The following SLC44A2 variants were observed in gnomAD, a reference collection of about 807,000 sequenced individuals.
SLC44A2 encodes choline transporter-like protein 2.
In SLC44A2, 57 loss-of-function variants were observed where a neutral mutation model predicts 90.8. That is an observed-to-expected ratio of 0.63 (90% CI 0.51 to 0.78). The LOEUF (loss-of-function observed/expected upper bound fraction) is 0.78. Among genes scored for constraint, SLC44A2 ranks in the 30% least tolerant of loss-of-function variants. The pLI, the probability that SLC44A2 is intolerant of heterozygous loss-of-function variation, is 0.00. For synonymous variants in SLC44A2, 355 were observed against 360.7 expected (o/e 0.98, Z 0.18); for missense variants, 794 against 919.7 (o/e 0.86, Z 1.77).
In SLC44A2 at chr19:10,636,344, T is replaced by TCCCGCCAATGCCC; in HGVS notation, c.1257_1269dup (p.Asn424ProfsTer16). The TCCCGCCAATGCCC allele has an allele frequency of 6.2e-7, 1 of 1,613,058 alleles. No individual in the cohort carries two copies. Among genetic ancestry groups the TCCCGCCAATGCCC allele is most frequent in the South Asian group, 1.1e-5 (1 of 91,004 alleles). ...ACAGACCTTCCCCTCCTCCAATGAG[T>TCCCGCCAATGCCC]CCCGCCAATGCCCCAATGCCCGTTG... is the stretch of plus-strand genomic sequence containing the variant. On this transcript the variant is annotated frameshift_variant, in exon 15 of 22. Transcript: ENST00000335757. LOFTEE classifies it high-confidence loss of function.
Position 10,625,786 on chromosome 19 carries a change from T to C in SLC44A2, c.37+116T>C, listed in dbSNP as rs1050710502. On this transcript the variant is annotated intron_variant, in intron 1 of 21. Transcript: ENST00000335757. ...TGGAGGGGGAGCGCAATTGCAAATCTGCGCCTGGAGCCTCCCCACCATCAG... is the reference window on the plus strand; with the variant it reads ...TGGAGGGGGAGCGCAATTGCAAATCCGCGCCTGGAGCCTCCCCACCATCAG... 7.6e-6 allele frequency: 7 copies of C among 925,346 alleles called. No homozygotes were observed. The African/African-American group carries it at 1.2e-4, about 16-fold the overall frequency. The allele number at this position is 925,346 out of a possible 1,614,324, so 57.3% of individuals were successfully genotyped here.
At chr19:10,637,062 G>C (rs1457439557) in intron 16 of SLC44A2, 1 of 317,508 alleles carries the variant, frequency 3.1e-6, no homozygotes, top group Non-Finnish European at 5.8e-6. Context: ...GCAGGAATAA[G>C]ACTGGTTTAT....
At chr19:10,632,536 CAAA>C (rs1175919247) in intron 10 of SLC44A2, among the ~76,000 whole-genome samples, 5 of 73,460 alleles carry the variant, frequency 6.8e-5, no homozygotes, top group Non-Finnish European at 1.4e-4. Context: ...AACTCCATCT[CAAA>C]AAAAAAAAAA....
At position 10,631,759 on chromosome 19, in the gene SLC44A2, T is replaced by G. The variant is rs767887337; in HGVS notation, c.626+10T>G. 15 of 1,613,916 alleles carry G rather than the reference T, an allele frequency of 9.3e-6. No homozygotes were observed. Among genetic ancestry groups the G allele is most frequent in the Non-Finnish European group, 1.2e-5 (14 of 1,180,036 alleles). On this transcript the variant is annotated intron_variant, in intron 8 of 21. Transcript: ENST00000335757. Reference sequence around the variant, plus strand: ...TGGTGGAGGGCGCCAAGTGAGGATATTGGCGCACCGCGCCAGGGTCTCACT... The same window carrying G: ...TGGTGGAGGGCGCCAAGTGAGGATAGTGGCGCACCGCGCCAGGGTCTCACT...
At position 10,610,887 on chromosome 19, in the gene SLC44A2, G is replaced by A. The variant is rs7249033; in HGVS notation, c.31+8326G>A. On this transcript the variant is annotated intron_variant, in intron 1 of 21. Transcript: ENST00000407327. ...ACTCCTGACCTCAAGTGATCCGCTC[G>A]CCTCGGCCTCCCAAAGTGCTGGGAT... 1.8e-3 allele frequency among the ~76,000 whole-genome samples: 272 copies of A among 150,740 alleles called. 2 individuals carry two copies. Among genetic ancestry groups the A allele is most frequent in the African/African-American group, 6.2e-3 (256 of 41,070 alleles).
chr19:10,624,577 GC>G, upstream of SLC44A2, among the ~76,000 whole-genome samples: 1 of 152,268 alleles, frequency 6.6e-6, no homozygotes, highest in East Asian at 1.9e-4. Context: ...ACAGGCATGA[GC>G]CACTGCACCT....
At chr19:10,613,292 C>T (rs1020041737) in intron 1 of SLC44A2, among the ~76,000 whole-genome samples, 11 of 151,796 alleles carry the variant, frequency 7.2e-5, no homozygotes, top group African/African-American at 2.4e-4. Flanking sequence ...CTCTGTCACC[C>T]AGGCTAGAGT....
chr19:10,637,178 C>T (rs764763904), intron 16 of SLC44A2: 2 of 213,330 alleles, frequency 9.4e-6, no homozygotes, highest in Non-Finnish European at 1.9e-5. Flanking sequence ...GGTGAAACCC[C>T]GTCTCTACTA....
intron 4 of SLC44A2, among the ~76,000 whole-genome samples, chr19:10,629,898 T>C (rs2360742): frequency 0.8 from 121,292 of 151,738 alleles, 48,585 homozygotes; most frequent in African/African-American, 0.84. Context: ...GGATTACAGG[T>C]GCCCGCCACC....
intron 20 of SLC44A2, chr19:10,640,948 G>A (rs1243305809): frequency 4.1e-6 from 1 of 246,636 alleles, no homozygotes; most frequent in Non-Finnish European, 8.2e-6. Context: ...TTAGTCAGGT[G>A]TGCTGGTACG....
At chr19:10,623,567 G>A (rs891803090), upstream of SLC44A2, among the ~76,000 whole-genome samples, 22 of 152,036 alleles carry the variant, frequency 1.4e-4, no homozygotes, top group African/African-American at 4.6e-4. Context: ...AGGTTGTGGC[G>A]TGGTGACTCG....
chr19:10,619,195 C>T (rs994088503), intron 1 of SLC44A2, among the ~76,000 whole-genome samples: 2 of 151,094 alleles, frequency 1.3e-5, no homozygotes, highest in African/African-American at 2.4e-5. Flanking sequence ...TTTGAGAAGC[C>T]GAGGCAGGTG....
intron 10 of SLC44A2, among the ~76,000 whole-genome samples, chr19:10,632,791 G>T (rs1007784090): frequency 2.0e-5 from 3 of 150,788 alleles, no homozygotes; most frequent in Non-Finnish European, 4.4e-5. Context: ...TCCTGCCTCA[G>T]CCTCCCAAGT....
chr19:10,627,837 G>A (rs764548896), intron 3 of SLC44A2, 42 bp downstream of exon 3: 25 of 1,612,550 alleles, frequency 1.6e-5, no homozygotes, highest in Admixed American at 6.7e-5. Context: ...CAGGGTAGGC[G>A]GAGGCAGCCA....
At chr19:10,632,798 A>G (rs1329667406) in intron 10 of SLC44A2, among the ~76,000 whole-genome samples, 1 of 150,826 alleles carries the variant, frequency 6.6e-6, no homozygotes, top group African/African-American at 2.4e-5. Flanking sequence ...TCAGCCTCCC[A>G]AGTAGCTGGG....
intron 10 of SLC44A2, 95 bp downstream of exon 10, chr19:10,632,251 G>C (rs2067005079): frequency 8.6e-7 from 1 of 1,166,192 alleles, no homozygotes; most frequent in Non-Finnish European, 1.3e-6. Flanking sequence ...ACAAAAAAAA[G>C]TCAGGCCGGG....
intron 4 of SLC44A2, 37 bp from the exon 5 acceptor site, chr19:10,631,020 A>AG: frequency 1.3e-6 from 2 of 1,543,718 alleles, no homozygotes; most frequent in East Asian, 2.3e-5. Flanking sequence ...AAAAAAAAAA[A>AG]TCTTAACAGT....
At chr19:10,609,625 C>T (rs999204799) in intron 1 of SLC44A2, among the ~76,000 whole-genome samples, 1 of 151,998 alleles carries the variant, frequency 6.6e-6, no homozygotes, top group Non-Finnish European at 1.5e-5. Flanking sequence ...ACTAAAAAAA[C>T]CACACATTAT....
intron 1 of SLC44A2, among the ~76,000 whole-genome samples, chr19:10,603,014 C>T (rs990263053): frequency 2.0e-5 from 3 of 152,252 alleles, no homozygotes; most frequent in Admixed American, 6.5e-5. Context: ...TGAGGCAAGA[C>T]TGGGCAGACC....
Sources: gnomAD v4.1 joint callset for allele counts (sites outside exome capture counted in the v4.1 genomes callset) on GRCh38, gnomAD v4.1.1 for gene constraint, MANE v1.5 for transcripts, NCBI Gene and HGNC (gene_info 2026-07-23, HGNC 2026-07-21) for gene names.